The following CDH13 variants were observed in gnomAD, a reference collection of about 807,000 sequenced individuals.
CDH13 encodes the protein cadherin 13, also known as cadherin-13.
CDH13 carries 24 observed loss-of-function variants against 63.8 expected under a neutral mutation model. That is an observed-to-expected ratio of 0.38 (90% CI 0.27 to 0.53). The LOEUF is 0.53. Among genes scored for constraint, CDH13 ranks in the 20% least tolerant of loss-of-function variants. The probability of loss-of-function intolerance (pLI) is 0.85; values close to 1 mark genes in which losing one functional copy is unlikely to be tolerated. For missense variants in CDH13, 1,049 were observed against 903.1 expected (o/e 1.16, Z -2.07); for synonymous variants, 503 against 355.3 (o/e 1.42, Z -4.67).
chr16:83,316,332 C>T (rs751118083), intron 5 of CDH13, among the ~76,000 whole-genome samples: 1 of 152,104 alleles, frequency 6.6e-6, no homozygotes, highest in Admixed American at 6.6e-5. Flanking sequence ...TAATTGCTAC[C>T]GTAATTGATA....
intron 13 of CDH13, among the ~76,000 whole-genome samples, chr16:83,786,549 C>A (rs1029458958): frequency 1.3e-5 from 2 of 151,214 alleles, no homozygotes; most frequent in African/African-American, 4.9e-5. Flanking sequence ...TTTCTTCTTT[C>A]CTTTGTCTTT....
At chr16:82,830,962 G>C (rs1015396631) in intron 1 of CDH13, among the ~76,000 whole-genome samples, 3 of 152,036 alleles carry the variant, frequency 2.0e-5, no homozygotes, top group African/African-American at 7.2e-5. Context: ...GTATACAGAG[G>C]GTGCTTAGCA....
intron 8 of CDH13, among the ~76,000 whole-genome samples, chr16:83,664,189 A>G (rs1252876953): frequency 1.3e-5 from 2 of 152,214 alleles, no homozygotes; most frequent in Middle Eastern, 3.4e-3. Context: ...ATGCTCACCA[A>G]TGACTAGGAC....
intron 8 of CDH13, among the ~76,000 whole-genome samples, chr16:83,619,888 G>T (rs756870171): frequency 3.3e-5 from 5 of 152,206 alleles, no homozygotes; most frequent in Non-Finnish European, 7.3e-5. Flanking sequence ...AGTGGAGGAT[G>T]CAGATGGAAG....
At chr16:82,714,890 A>G (rs560678635) in intron 1 of CDH13, among the ~76,000 whole-genome samples, 7 of 134,242 alleles carry the variant, frequency 5.2e-5, no homozygotes, top group Admixed American at 1.7e-4. Flanking sequence ...TTCAGAAAGG[A>G]CATGACTTTT....
intron 2 of CDH13, among the ~76,000 whole-genome samples, chr16:83,018,158 C>A (rs1357108540): frequency 3.9e-5 from 6 of 152,146 alleles, no homozygotes; most frequent in African/African-American, 7.2e-5. Flanking sequence ...ATGGGTGGCT[C>A]AGTCTCTCCC....
At chr16:83,648,003 C>T (rs770292566) in intron 8 of CDH13, among the ~76,000 whole-genome samples, 10 of 152,192 alleles carry the variant, frequency 6.6e-5, no homozygotes, top group Middle Eastern at 3.2e-3. Flanking sequence ...CCCAGTTCTT[C>T]GCCTAAGGAA....
chr16:83,204,010 T>G (rs1333576090), intron 4 of CDH13, among the ~76,000 whole-genome samples: 3 of 152,222 alleles, frequency 2.0e-5, no homozygotes, highest in Non-Finnish European at 4.4e-5. Flanking sequence ...ACCCACTGGA[T>G]ACACATAAAT....
chr16:83,621,391 C>G (rs1490607923), intron 8 of CDH13, among the ~76,000 whole-genome samples: 1 of 150,490 alleles, frequency 6.6e-6, no homozygotes, highest in Non-Finnish European at 1.5e-5. Context: ...TGAAGCAGCC[C>G]AGGTCTATTA....
intron 6 of CDH13, among the ~76,000 whole-genome samples, chr16:83,483,166 G>A (rs575897602): frequency 1.3e-3 from 191 of 152,266 alleles, no homozygotes; most frequent in Non-Finnish European, 2.2e-3. Flanking sequence ...CCTCAGAGTC[G>A]TTGTCTTCAA....
chr16:82,842,112 GTA>G lies in CDH13; in HGVS notation c.46-16225_46-16224del, dbSNP rs1239169050. On this transcript the variant is annotated intron_variant, in intron 1 of 13. Transcript: ENST00000567109. ...TCTACATATATATATATATATATAT[GTA>G]TATATATATATATATATATATATAC... Among the ~76,000 whole-genome samples the G allele has an allele frequency of 3.9e-3, 228 of 58,946 alleles. 2 individuals are homozygous for G. Among genetic ancestry groups the G allele is most frequent in the African/African-American group, 0.015 (219 of 14,684 alleles). The allele number at this position is 58,946 out of a possible 152,430, so 38.7% of individuals were successfully genotyped here.
At chr16:82,836,494 C>T (rs571736176) in intron 1 of CDH13, among the ~76,000 whole-genome samples, 5 of 152,096 alleles carry the variant, frequency 3.3e-5, no homozygotes, top group Non-Finnish European at 7.4e-5. Context: ...CAGTATACTG[C>T]CTAAAATTAC....
chr16:83,321,054 C>T (rs1280241730), intron 5 of CDH13, among the ~76,000 whole-genome samples: 1 of 152,188 alleles, frequency 6.6e-6, no homozygotes, highest in East Asian at 1.9e-4. Context: ...GTTAATGAAA[C>T]ATTTCATAGA....
At chr16:83,621,583 T>C (rs1221458044) in intron 8 of CDH13, among the ~76,000 whole-genome samples, 2 of 144,252 alleles carry the variant, frequency 1.4e-5, no homozygotes, top group Admixed American at 7.2e-5. Flanking sequence ...TCCTCTTAGG[T>C]TCAAGCGATT....
chr16:82,946,157 A>G lies in CDH13; in HGVS notation c.158-85853A>G, dbSNP rs560423256. ...AACATGTAGAACATACTAGATTTCC[A>G]TAACTATTTGTTGATTAAATTAATG... On this transcript the variant is annotated intron_variant, in intron 2 of 13. Transcript: ENST00000567109. Among the ~76,000 whole-genome samples, 360 of 151,774 alleles carry G rather than the reference A, an allele frequency of 2.4e-3. 2 individuals carry two copies. The highest frequency in any genetic ancestry group is 1.5e-3 in the Non-Finnish European group (104 of 67,966).
chr16:82,810,472 G>A (rs1597664264), intron 1 of CDH13, among the ~76,000 whole-genome samples: 1 of 152,204 alleles, frequency 6.6e-6, no homozygotes, highest in African/African-American at 2.4e-5. Context: ...GGATCTCAAA[G>A]TGGAGGGATC....
intron 2 of CDH13, among the ~76,000 whole-genome samples, chr16:82,879,143 C>G (rs1300424393): frequency 1.3e-5 from 2 of 152,170 alleles, no homozygotes; most frequent in East Asian, 3.9e-4. Context: ...GTGGACATCA[C>G]AGCTCTGGTC....
intron 10 of CDH13, chr16:83,710,038 T>C (rs1197906485): frequency 1.3e-5 from 2 of 152,242 alleles, no homozygotes; most frequent in African/African-American, 4.8e-5. Context: ...TGCCCCCAGA[T>C]GACATTTGTC....
At chr16:83,518,288 CACA>C (rs1567730874) in intron 7 of CDH13, among the ~76,000 whole-genome samples, 1 of 151,712 alleles carries the variant, frequency 6.6e-6, no homozygotes, top group Non-Finnish European at 1.5e-5. Context: ...GGACTACAGG[CACA>C]TGCCACCACA....
Sources: gnomAD v4.1 joint callset for allele counts (sites outside exome capture counted in the v4.1 genomes callset) on GRCh38, gnomAD v4.1.1 for gene constraint, MANE v1.5 for transcripts, NCBI Gene and HGNC (gene_info 2026-07-23, HGNC 2026-07-21) for gene names.